IL1RAPL2: variants seen among roughly 807,000 people sequenced by gnomAD.
IL1RAPL2 encodes interleukin 1 receptor accessory protein like 2.
In IL1RAPL2, 3 loss-of-function variants were observed where a neutral mutation model predicts 44.1. The observed-to-expected ratio is 0.07, with a 90% CI of 0.03 to 0.18. The LOEUF (loss-of-function observed/expected upper bound fraction) is 0.18, where lower values mean the gene tolerates loss of function less well. Among genes scored for constraint, IL1RAPL2 ranks in the 10% least tolerant of loss-of-function variants. The probability of loss-of-function intolerance (pLI) is 1.00; values close to 1 mark genes in which losing one functional copy is unlikely to be tolerated. For missense variants in IL1RAPL2, 391 were observed against 496.4 expected (o/e 0.79, Z 2.02); for synonymous variants, 181 against 178.8 (o/e 1.01, Z -0.10).
chrX:105,313,437 C>A (rs1251861686), intron 5 of IL1RAPL2, among the ~76,000 whole-genome samples: 1 of 111,794 alleles, frequency 8.9e-6, no homozygotes, highest in Non-Finnish European at 1.9e-5. Context: ...TCCTTTCCAT[C>A]TTTTAGCCAC....
intron 2 of IL1RAPL2, among the ~76,000 whole-genome samples, chrX:104,722,903 T>C (rs1931711381): frequency 9.0e-6 from 1 of 111,507 alleles, no homozygotes; most frequent in Admixed American, 9.6e-5. Flanking sequence ...ATGAAATATA[T>C]TGTTGCCAGT....
chrX:104,621,368 G>A (rs1031593463), intron 1 of IL1RAPL2, among the ~76,000 whole-genome samples: 6 of 109,404 alleles, frequency 5.5e-5, no homozygotes, highest in African/African-American at 2.0e-4. Context: ...TTGCAAGCCT[G>A]GGGTAGGAGG....
intron 5 of IL1RAPL2, among the ~76,000 whole-genome samples, chrX:105,459,262 G>T (rs998276841): frequency 9.0e-6 from 1 of 111,119 alleles, no homozygotes; most frequent in Non-Finnish European, 1.9e-5. Context: ...GCATGTGTGT[G>T]TGTGTGTCTC....
chrX:105,296,400 T>A (rs990417481), intron 5 of IL1RAPL2, among the ~76,000 whole-genome samples: 8 of 111,971 alleles, frequency 7.1e-5, no homozygotes, highest in African/African-American at 2.6e-4. Flanking sequence ...CTCATCACAT[T>A]CTGTCTTGCA....
chrX:104,948,496 A>T (rs1428897930), intron 2 of IL1RAPL2, among the ~76,000 whole-genome samples: 15 of 98,094 alleles, frequency 1.5e-4, no homozygotes, highest in South Asian at 5.7e-4. Context: ...GTCTTGTGCC[A>T]GTTTTCAAAG....
Position 105,767,081 on chromosome X carries a change from A to G in IL1RAPL2, c.1481A>G (p.His494Arg), listed in dbSNP as rs761786794. Residue 494 changes from histidine (H) to arginine (R), a missense_variant, in exon 11 of 11, where the codon CAT becomes CGT. This residue lies in a region of IL1RAPL2 where 232 missense variants were observed against 244.8 expected (regional missense o/e 0.95). Transcript: ENST00000372582. ...WSIFELESRLHNMLVSGEIKV... is the reference protein window; with the variant it reads ...WSIFELESRLRNMLVSGEIKV... ...ATTTTCGAACTGGAAAGCAGACTCC[A>G]TAACATGCTAGTCAGTGGAGAAATC... The G allele has an allele frequency of 1.7e-6, 2 of 1,209,270 alleles. No individual in the cohort carries two copies. Among genetic ancestry groups the G allele is most frequent in the East Asian group, 3.0e-5 (1 of 33,827 alleles).
At chrX:104,732,599 T>C (rs1391791447) in intron 2 of IL1RAPL2, among the ~76,000 whole-genome samples, 1 of 111,801 alleles carries the variant, frequency 8.9e-6, no homozygotes, top group Non-Finnish European at 1.9e-5. Flanking sequence ...TGGATAAATC[T>C]AGTACCTACA....
chrX:105,261,952 A>C (rs777497271), intron 4 of IL1RAPL2, among the ~76,000 whole-genome samples: 3 of 111,951 alleles, frequency 2.7e-5, no homozygotes, highest in African/African-American at 9.7e-5. Flanking sequence ...TGAGACAGGA[A>C]GGCTAGAAGG....
chrX:105,326,602 A>C (rs749724870), intron 5 of IL1RAPL2, among the ~76,000 whole-genome samples: 60 of 111,616 alleles, frequency 5.4e-4, no homozygotes, highest in African/African-American at 2.0e-3. Flanking sequence ...TATCAGGTAG[A>C]AGTTAGAATT....
At chrX:105,412,614 T>C (rs1232351717) in intron 5 of IL1RAPL2, among the ~76,000 whole-genome samples, 1 of 110,778 alleles carries the variant, frequency 9.0e-6, no homozygotes, top group Non-Finnish European at 1.9e-5. Flanking sequence ...TAAGATACAA[T>C]TAGAAGGAAG....
At chrX:104,606,463 T>A (rs1381919802) in intron 1 of IL1RAPL2, among the ~76,000 whole-genome samples, 1 of 111,908 alleles carries the variant, frequency 8.9e-6, no homozygotes, top group Non-Finnish European at 1.9e-5. Flanking sequence ...CTGGAAGTTC[T>A]GGCCAGGGCA....
intron 2 of IL1RAPL2, among the ~76,000 whole-genome samples, chrX:105,068,314 T>G (rs2032164324): frequency 9.0e-6 from 1 of 111,381 alleles, no homozygotes; most frequent in Non-Finnish European, 1.9e-5. Context: ...CAGTCTTTTA[T>G]TAGTAAAGTT....
chrX:105,043,774 A>G (rs1204684999), intron 2 of IL1RAPL2, among the ~76,000 whole-genome samples: 1 of 110,964 alleles, frequency 9.0e-6, no homozygotes, highest in Non-Finnish European at 1.9e-5. Context: ...TACAAACTTC[A>G]TAAACTGACC....
intron 10 of IL1RAPL2, among the ~76,000 whole-genome samples, chrX:105,763,502 TAAGAA>T (rs1180025455): frequency 9.0e-6 from 1 of 111,207 alleles, no homozygotes. Flanking sequence ...AAAGAAAACT[TAAGAA>T]GAGAAGGAAG....
chrX:104,701,663 C>G (rs1178364998), intron 2 of IL1RAPL2, among the ~76,000 whole-genome samples: 1 of 111,405 alleles, frequency 9.0e-6, no homozygotes. Flanking sequence ...CCATGAAGGT[C>G]CATTGGCTAA....
At chrX:105,073,658 C>A (rs946664259) in intron 2 of IL1RAPL2, among the ~76,000 whole-genome samples, 1 of 111,653 alleles carries the variant, frequency 9.0e-6, no homozygotes, top group East Asian at 2.8e-4. Flanking sequence ...TACAGTCCCA[C>A]CAACAGTGTA....
At chrX:105,286,326 G>T (rs1434432097) in intron 5 of IL1RAPL2, among the ~76,000 whole-genome samples, 1 of 110,445 alleles carries the variant, frequency 9.1e-6, no homozygotes, top group Non-Finnish European at 1.9e-5. Context: ...TGCTTACAGA[G>T]CTGTTGGGAG....
intron 2 of IL1RAPL2, among the ~76,000 whole-genome samples, chrX:104,996,181 A>G (rs911200470): frequency 2.7e-5 from 3 of 111,876 alleles, no homozygotes; most frequent in Non-Finnish European, 5.7e-5. Flanking sequence ...ACTAGCCTCA[A>G]TGCCAGTGTG....
chrX:105,301,231 A>G (rs2034695216), intron 5 of IL1RAPL2, among the ~76,000 whole-genome samples: 2 of 111,468 alleles, frequency 1.8e-5, no homozygotes, highest in African/African-American at 6.5e-5. Flanking sequence ...AAGAGTAATT[A>G]TTGGTGATGT....
Sources: allele counts gnomAD v4.1 joint callset (sites outside exome capture counted in the v4.1 genomes callset), GRCh38; gene constraint gnomAD v4.1.1; regional missense constraint gnomAD v4.1.1; transcripts MANE v1.5; gene names NCBI Gene and HGNC (gene_info 2026-07-23, HGNC 2026-07-21).